The following RTL4 variants were observed in gnomAD, a reference collection of about 807,000 sequenced individuals.
RTL4 encodes retrotransposon Gag-like protein 4.
RTL4 carries 4 observed loss-of-function variants against 5.3 expected under a neutral mutation model. That is an observed-to-expected ratio of 0.75 (90% CI 0.37 to 1.72). The LOEUF is 1.72. RTL4 is among the 40% of genes most tolerant of loss of function. The pLI, the probability that RTL4 is intolerant of heterozygous loss-of-function variation, is 0.04. For synonymous variants in RTL4, 98 were observed against 87.3 expected (o/e 1.12, Z -0.68); for missense variants, 260 against 227.1 (o/e 1.14, Z -0.93).
chrX:112,439,475 G>A, the RTL4 span, among the ~76,000 whole-genome samples: 2 of 111,375 alleles, frequency 1.8e-5, no homozygotes, highest in African/African-American at 3.3e-5. Context: ...CATCTTCCTG[G>A]AATGACCTAG....
the RTL4 span, among the ~76,000 whole-genome samples, chrX:112,367,198 T>C: frequency 9.0e-6 from 1 of 111,503 alleles, no homozygotes; most frequent in Non-Finnish European, 1.9e-5. Flanking sequence ...AAATAGCAGA[T>C]TAGAAGCAGA....
the RTL4 span, among the ~76,000 whole-genome samples, chrX:112,350,776 G>C: frequency 2.7e-5 from 3 of 110,821 alleles, no homozygotes; most frequent in Admixed American, 9.6e-5. Flanking sequence ...TATTAGTCTT[G>C]CTAGTGGTCT....
chrX:112,332,039 G>T, the RTL4 span, among the ~76,000 whole-genome samples: 2 of 108,700 alleles, frequency 1.8e-5, no homozygotes, highest in Non-Finnish European at 3.8e-5. Context: ...GGATAGCATT[G>T]GGAGATATAC....
At chrX:112,350,264 G>A in the RTL4 span, among the ~76,000 whole-genome samples, 1 of 110,181 alleles carries the variant, frequency 9.1e-6, no homozygotes, top group Non-Finnish European at 1.9e-5. Context: ...GATTCGGTTT[G>A]CCAGTATTTT....
chrX:112,244,488 C>G, the RTL4 span, among the ~76,000 whole-genome samples: 2 of 111,440 alleles, frequency 1.8e-5, no homozygotes, highest in African/African-American at 6.5e-5. Context: ...TGTTTACAGT[C>G]TGTTTTATCA....
At chrX:112,335,757 C>G in the RTL4 span, among the ~76,000 whole-genome samples, 3 of 110,555 alleles carry the variant, frequency 2.7e-5, no homozygotes, top group Non-Finnish European at 5.7e-5. Flanking sequence ...TTATGTTCAT[C>G]TTTTTATTTC....
the RTL4 span, among the ~76,000 whole-genome samples, chrX:112,241,840 A>G: frequency 8.9e-6 from 1 of 112,189 alleles, no homozygotes; most frequent in Non-Finnish European, 1.9e-5. Context: ...TCTAACATTT[A>G]AGTCTTTAAT....
chrX:112,332,614 A>T, the RTL4 span, among the ~76,000 whole-genome samples: 1 of 99,774 alleles, frequency 1.0e-5, no homozygotes, highest in East Asian at 3.6e-4. Flanking sequence ...TCTCACTCAT[A>T]GGTGGGAATT....
the RTL4 span, among the ~76,000 whole-genome samples, chrX:112,215,518 G>A: frequency 8.9e-6 from 1 of 111,850 alleles, no homozygotes; most frequent in Non-Finnish European, 1.9e-5. Context: ...GACTATTCTA[G>A]ATATTTCATA....
the RTL4 span, among the ~76,000 whole-genome samples, chrX:112,162,509 G>T: frequency 9.0e-6 from 1 of 111,174 alleles, no homozygotes; most frequent in Non-Finnish European, 1.9e-5. Flanking sequence ...GTTATGACAG[G>T]GTTTGGTTTA....
chrX:112,431,783 G>T, the RTL4 span, among the ~76,000 whole-genome samples: 2 of 107,959 alleles, frequency 1.9e-5, no homozygotes, highest in Non-Finnish European at 3.8e-5. Flanking sequence ...ACAATGTGCA[G>T]GTTAGTTACA....
the RTL4 span, among the ~76,000 whole-genome samples, chrX:112,250,311 G>A: frequency 3.6e-5 from 4 of 111,184 alleles, no homozygotes; most frequent in African/African-American, 9.8e-5. Context: ...AAGAAAATTG[G>A]ATAACAGAAG....
At chrX:112,173,772 T>G in the RTL4 span, among the ~76,000 whole-genome samples, 1 of 109,908 alleles carries the variant, frequency 9.1e-6, no homozygotes, top group African/African-American at 3.3e-5. Context: ...ATGGAGACAT[T>G]TAGATGTTTT....
chrX:112,261,856 TG>T, the RTL4 span, among the ~76,000 whole-genome samples: 2 of 110,918 alleles, frequency 1.8e-5, no homozygotes, highest in Non-Finnish European at 3.8e-5. Context: ...TATAGACCAA[TG>T]GAACAGAACA....
At chrX:112,329,821 T>G in the RTL4 span, among the ~76,000 whole-genome samples, 2 of 107,463 alleles carry the variant, frequency 1.9e-5, no homozygotes, top group Non-Finnish European at 3.9e-5. Flanking sequence ...AAGATCAAGG[T>G]GGCTTCATCC....
the RTL4 span, among the ~76,000 whole-genome samples, chrX:112,162,533 A>G: frequency 9.0e-6 from 1 of 111,696 alleles, no homozygotes; most frequent in South Asian, 3.8e-4. Flanking sequence ...TCTCCTGTCT[A>G]CAGTACTTTC....
chrX:112,088,193 G>C, the RTL4 span, among the ~76,000 whole-genome samples: 2 of 108,354 alleles, frequency 1.8e-5, no homozygotes, highest in Non-Finnish European at 1.9e-5. Flanking sequence ...CTGTATCCCT[G>C]AATCAATCAC....
chrX:112,255,496 T>C, the RTL4 span, among the ~76,000 whole-genome samples: 5 of 111,530 alleles, frequency 4.5e-5, no homozygotes, highest in African/African-American at 1.6e-4. Flanking sequence ...CTCTGGAAAA[T>C]GGATAATGAT....
chrX:112,326,463 G>C, the RTL4 span, among the ~76,000 whole-genome samples: 2 of 111,626 alleles, frequency 1.8e-5, no homozygotes, highest in South Asian at 3.8e-4. Context: ...AAAAAACGGC[G>C]CACCAGGAGA....
Sources: allele counts gnomAD v4.1 joint callset (sites outside exome capture counted in the v4.1 genomes callset), GRCh38; gene constraint gnomAD v4.1.1; transcripts MANE v1.5; gene names NCBI Gene and HGNC (gene_info 2026-07-23, HGNC 2026-07-21).